SOAT1: variants seen among roughly 807,000 people sequenced by gnomAD.
SOAT1 encodes the protein sterol O-acyltransferase 1.
Under a neutral mutation model 69.5 loss-of-function variants are expected in SOAT1, and 55 were observed. That is an observed-to-expected ratio of 0.79 (90% CI 0.64 to 0.99). SOAT1 has a LOEUF of 0.99. SOAT1 is among the 50% of genes least tolerant of loss of function. The pLI, the probability that SOAT1 is intolerant of heterozygous loss-of-function variation, is 0.00. For missense variants in SOAT1, 580 were observed against 669.3 expected (o/e 0.87, Z 1.47); for synonymous variants, 231 against 224.7 (o/e 1.03, Z -0.25).
intron 3 of SOAT1, among the ~76,000 whole-genome samples, chr1:179,334,323 G>A (rs543299760): frequency 1.3e-5 from 2 of 152,280 alleles, no homozygotes; most frequent in South Asian, 4.1e-4. Context: ...TGGTGTAAGA[G>A]TATATTTGGT....
At chr1:179,324,425 A>G (rs1215886048) in intron 3 of SOAT1, among the ~76,000 whole-genome samples, 1 of 151,130 alleles carries the variant, frequency 6.6e-6, no homozygotes, top group Non-Finnish European at 1.5e-5. Flanking sequence ...TATTTGCTTA[A>G]CATTAAGAGA....
intron 2 of SOAT1, among the ~76,000 whole-genome samples, chr1:179,305,150 T>G (rs1664961092): frequency 6.6e-6 from 1 of 152,232 alleles, no homozygotes; most frequent in African/African-American, 2.4e-5. Context: ...CCTGTCACTT[T>G]GGATTTGCTT....
At chr1:179,297,343 C>G (rs1664683543) in intron 1 of SOAT1, among the ~76,000 whole-genome samples, 2 of 151,976 alleles carry the variant, frequency 1.3e-5, no homozygotes, top group Non-Finnish European at 2.9e-5. Context: ...CTGTCCTTTT[C>G]TTTTCTTTTT....
At chr1:179,326,242 CCT>C (rs1370094073) in intron 3 of SOAT1, among the ~76,000 whole-genome samples, 1 of 152,164 alleles carries the variant, frequency 6.6e-6, no homozygotes, top group Non-Finnish European at 1.5e-5. Context: ...TCTGAAATTT[CCT>C]CTTTCTCCAT....
intron 1 of SOAT1, among the ~76,000 whole-genome samples, chr1:179,295,867 C>A (rs187570871): frequency 9.2e-4 from 121 of 131,186 alleles, no homozygotes; most frequent in African/African-American, 3.3e-3. Context: ...ATGGCACGAT[C>A]TCGGCTCCCC....
chr1:179,312,307 T>G (rs1665245109), intron 2 of SOAT1, among the ~76,000 whole-genome samples: 1 of 152,064 alleles, frequency 6.6e-6, no homozygotes, highest in Non-Finnish European at 1.5e-5. Flanking sequence ...TGTGGCATGG[T>G]GGGTCCAGGA....
intron 8 of SOAT1, 108 bp downstream of exon 8, chr1:179,342,300 CCT>C: frequency 1.6e-6 from 1 of 640,256 alleles, no homozygotes. Flanking sequence ...TCCCTCCCTC[CCT>C]CTCTCTTTTT....
chr1:179,338,628 A>G (rs764423509), intron 5 of SOAT1, among the ~76,000 whole-genome samples: 2 of 152,306 alleles, frequency 1.3e-5, no homozygotes, highest in Non-Finnish European at 2.9e-5. Flanking sequence ...AATCTTTTAA[A>G]GTTTACATCT....
At position 179,341,210 on chromosome 1, in the gene SOAT1, T is replaced by G. The variant is rs781085852; in HGVS notation, c.680T>G (p.Phe227Cys). Residue 227 changes from phenylalanine to cysteine, a missense_variant, in exon 7 of 16, where the codon TTC (phenylalanine) becomes TGC (cysteine). Physicochemically the swap from Phe to Cys is radical, Grantham distance 205 (BLOSUM62 -2). Transcript: ENST00000367619. The stretch of plus-strand genomic sequence containing the variant: ...CGTTCTCTCTTCCATGGCTTTCTTT[T>G]CATGATCTTCCAGATTGGAGTTCTA... ...LIRSLFHGFL[F>C]MIFQIGVLGF... The G allele has an allele frequency of 6.2e-7, 1 of 1,614,174 alleles. No individual in the cohort carries two copies. The highest frequency in any genetic ancestry group is 2.2e-5 in the East Asian group (1 of 44,880).
intron 2 of SOAT1, among the ~76,000 whole-genome samples, chr1:179,310,701 A>C (rs1343076752): frequency 2.6e-5 from 4 of 152,206 alleles, no homozygotes; most frequent in African/African-American, 9.7e-5. Flanking sequence ...GTGAAGCTGA[A>C]ATGTAGGTAT....
intron 15 of SOAT1, 120 bp from the exon 16 acceptor site, chr1:179,353,465 G>T (rs1027405259): frequency 2.4e-6 from 2 of 850,492 alleles, no homozygotes; most frequent in East Asian, 2.5e-5. Flanking sequence ...GAGGGTTGTT[G>T]AAATGGTGGG....
intron 2 of SOAT1, among the ~76,000 whole-genome samples, chr1:179,321,862 C>T (rs1330816983): frequency 6.6e-6 from 1 of 150,932 alleles, no homozygotes; most frequent in African/African-American, 2.4e-5. Flanking sequence ...TTGTTACTTG[C>T]TTATGTTTTC....
chr1:179,329,620 C>G (rs1665906805), intron 3 of SOAT1, among the ~76,000 whole-genome samples: 1 of 150,700 alleles, frequency 6.6e-6, no homozygotes, highest in African/African-American at 2.4e-5. Context: ...ACTCTGGAAG[C>G]AGGAGAATCA....
intron 7 of SOAT1, 119 bp downstream of exon 7, chr1:179,341,429 G>T (rs1421675488): frequency 3.9e-6 from 4 of 1,033,734 alleles, no homozygotes; most frequent in South Asian, 3.5e-5. Context: ...TTCATATATT[G>T]TTCTTTTGCC....
At chr1:179,302,046 A>G (rs1225172853) in intron 1 of SOAT1, among the ~76,000 whole-genome samples, 1 of 143,872 alleles carries the variant, frequency 7.0e-6, no homozygotes, top group Non-Finnish European at 1.5e-5. Flanking sequence ...TTTTTTACAT[A>G]CTTAATGCTT....
intron 14 of SOAT1, among the ~76,000 whole-genome samples, chr1:179,350,895 A>G (rs1666700160): frequency 6.6e-6 from 1 of 152,220 alleles, no homozygotes; most frequent in African/African-American, 2.4e-5. Flanking sequence ...TTTTCTTTAT[A>G]GAAACAGTGA....
At chr1:179,306,174 A>C (rs1038110955) in intron 2 of SOAT1, among the ~76,000 whole-genome samples, 2 of 152,114 alleles carry the variant, frequency 1.3e-5, no homozygotes, top group Non-Finnish European at 2.9e-5. Context: ...CATGGATAGG[A>C]GTATAGAGCA....
intron 1 of SOAT1, among the ~76,000 whole-genome samples, 187 bp downstream of exon 1, chr1:179,294,123 A>C (rs1163059433): frequency 1.3e-5 from 2 of 152,208 alleles, no homozygotes; most frequent in African/African-American, 4.8e-5. Context: ...AGTTACCGTC[A>C]GGCGCCCGGG....
chr1:179,347,496 A>G (rs1455241282), intron 11 of SOAT1, 104 bp from the exon 12 acceptor site: 3 of 654,680 alleles, frequency 4.6e-6, no homozygotes, highest in Non-Finnish European at 8.1e-6. Context: ...AATAACTTAT[A>G]TTTTACAAAA....
Sources: allele counts gnomAD v4.1 joint callset (sites outside exome capture counted in the v4.1 genomes callset), GRCh38; gene constraint gnomAD v4.1.1; transcripts MANE v1.5; gene names NCBI Gene and HGNC (gene_info 2026-07-23, HGNC 2026-07-21).